The following CCNY variants were observed in gnomAD, a reference collection of about 807,000 sequenced individuals.
CCNY encodes cyclin-Y.
CCNY carries 19 observed loss-of-function variants against 42.8 expected under a neutral mutation model. The ratio of observed to expected loss-of-function variants is 0.44; its 90% CI spans 0.31 to 0.65. The LOEUF is 0.65. Ranked by LOEUF, CCNY falls within the 30% of genes least tolerant of loss-of-function variation. The pLI is 0.07. For missense variants in CCNY, 370 were observed against 437.3 expected (o/e 0.85, Z 1.37); for synonymous variants, 165 against 162.7 (o/e 1.01, Z -0.11).
At chr10:35,375,589 G>A (rs1285013627) in intron 1 of CCNY, among the ~76,000 whole-genome samples, 1 of 152,184 alleles carries the variant, frequency 6.6e-6, no homozygotes, top group African/African-American at 2.4e-5. Flanking sequence ...ATTTTGTGGG[G>A]TACTGAAGTT....
At chr10:35,259,808 A>C (rs2095718279) in intron 3 of CCNY, among the ~76,000 whole-genome samples, 1 of 149,674 alleles carries the variant, frequency 6.7e-6, no homozygotes, top group Admixed American at 6.7e-5. Context: ...CACTGGACCC[A>C]GCCCCAGTCC....
intron 1 of CCNY, among the ~76,000 whole-genome samples, chr10:35,432,621 C>T (rs887668158): frequency 6.6e-6 from 1 of 152,172 alleles, no homozygotes; most frequent in Non-Finnish European, 1.5e-5. Flanking sequence ...CACCAGCCAT[C>T]TTATTGAGAG....
chr10:35,370,309 G>A (rs767564211), intron 1 of CCNY, among the ~76,000 whole-genome samples: 4 of 151,968 alleles, frequency 2.6e-5, no homozygotes, highest in Non-Finnish European at 5.9e-5. Flanking sequence ...CTGCCACCAC[G>A]CCCGGCTAAT....
intron 1 of CCNY, among the ~76,000 whole-genome samples, chr10:35,339,560 G>A (rs1355720537): frequency 6.6e-6 from 1 of 152,142 alleles, no homozygotes; most frequent in Non-Finnish European, 1.5e-5. Flanking sequence ...ATTGACTCTA[G>A]TATATATCAA....
intron 1 of CCNY, among the ~76,000 whole-genome samples, chr10:35,433,227 T>G (rs1838452672): frequency 6.6e-6 from 1 of 152,172 alleles, no homozygotes; most frequent in Non-Finnish European, 1.5e-5. Context: ...AGGTGGGGTT[T>G]TTCATTGATT....
intron 5 of CCNY, among the ~76,000 whole-genome samples, chr10:35,527,396 G>A (rs1333454893): frequency 6.6e-6 from 1 of 152,164 alleles, no homozygotes; most frequent in Non-Finnish European, 1.5e-5. Flanking sequence ...TACTTACTTA[G>A]ACTATGATGG....
Position 35,357,452 on chromosome 10 carries a change from T to A in CCNY, c.154+20245T>A, listed in dbSNP as rs142468194. Reference sequence around the variant, plus strand: ...ATTCATTTAACACATAGCAAACATTTTTTTGTATGTGTGTTTCTAGACCTT... The same window carrying A: ...ATTCATTTAACACATAGCAAACATTATTTTGTATGTGTGTTTCTAGACCTT... On this transcript the variant is annotated intron_variant, in intron 1 of 9. Transcript: ENST00000374704. 3.9e-5 allele frequency among the ~76,000 whole-genome samples: 6 copies of A among 152,334 alleles called. No homozygotes were observed. In the East Asian group the frequency reaches 7.7e-4, roughly 20 times the overall value.
At chr10:35,477,316 C>T (rs905424842) in intron 1 of CCNY, among the ~76,000 whole-genome samples, 1 of 151,018 alleles carries the variant, frequency 6.6e-6, no homozygotes, top group Non-Finnish European at 1.5e-5. Context: ...ATACCAAAGC[C>T]GGGCAGAGAC....
chr10:35,334,946 T>G (rs998058870), upstream of CCNY, among the ~76,000 whole-genome samples: 1 of 152,208 alleles, frequency 6.6e-6, no homozygotes, highest in Non-Finnish European at 1.5e-5. Context: ...TCTGCATAAA[T>G]CAAGGCATGA....
chr10:35,422,885 A>G (rs902741026), intron 1 of CCNY, among the ~76,000 whole-genome samples: 4 of 152,204 alleles, frequency 2.6e-5, no homozygotes, highest in African/African-American at 9.7e-5. Context: ...GGCCTTTATA[A>G]AATTTTTCTC....
intron 7 of CCNY, among the ~76,000 whole-genome samples, chr10:35,545,605 C>T (rs1367039988): frequency 6.6e-6 from 1 of 152,126 alleles, no homozygotes; most frequent in Non-Finnish European, 1.5e-5. Context: ...GGCCTTGTCT[C>T]CAAATAAGGC....
intron 3 of CCNY, among the ~76,000 whole-genome samples, chr10:35,320,159 T>C (rs974537597): frequency 6.6e-6 from 1 of 152,008 alleles, no homozygotes; most frequent in African/African-American, 2.4e-5. Flanking sequence ...GACAATGACA[T>C]TGAAAGGAAT....
intron 1 of CCNY, among the ~76,000 whole-genome samples, chr10:35,357,829 G>A (rs1410637196): frequency 1.3e-5 from 2 of 152,024 alleles, no homozygotes; most frequent in Non-Finnish European, 2.9e-5. Flanking sequence ...CTATTAGCAG[G>A]CATTCTCTTG....
intron 3 of CCNY, among the ~76,000 whole-genome samples, chr10:35,257,409 C>T (rs947391696): frequency 4.0e-5 from 6 of 151,604 alleles, no homozygotes; most frequent in Non-Finnish European, 8.8e-5. Context: ...TCCTGAGCAA[C>T]CAGGATTGCA....
intron 1 of CCNY, among the ~76,000 whole-genome samples, chr10:35,411,106 T>G (rs1837894311): frequency 6.6e-6 from 1 of 152,202 alleles, no homozygotes; most frequent in Non-Finnish European, 1.5e-5. Context: ...GTTAAGTAAT[T>G]TCATCAGGGA....
chr10:35,281,915 T>C (rs192429410), intron 3 of CCNY, among the ~76,000 whole-genome samples: 30 of 152,320 alleles, frequency 2.0e-4, no homozygotes, highest in Non-Finnish European at 4.3e-4. Context: ...GCTGGTAGAA[T>C]AAACAAGATC....
intron 3 of CCNY, among the ~76,000 whole-genome samples, chr10:35,266,412 T>G (rs541884511): frequency 6.6e-6 from 1 of 152,032 alleles, no homozygotes; most frequent in Non-Finnish European, 1.5e-5. Flanking sequence ...AGATAACTTC[T>G]GAAGTGAGAA....
At chr10:35,265,842 C>T (rs1383709731) in intron 3 of CCNY, among the ~76,000 whole-genome samples, 1 of 152,128 alleles carries the variant, frequency 6.6e-6, no homozygotes, top group African/African-American at 2.4e-5. Flanking sequence ...TGAAGCCCAC[C>T]AGCGTGTCAC....
intron 7 of CCNY, among the ~76,000 whole-genome samples, chr10:35,548,368 G>C (rs1456688398): frequency 2.0e-5 from 3 of 150,122 alleles, no homozygotes; most frequent in Non-Finnish European, 4.4e-5. Flanking sequence ...TCACGATCTT[G>C]GCTCACTGCA....
Sources: allele counts gnomAD v4.1 joint callset (sites outside exome capture counted in the v4.1 genomes callset), GRCh38; gene constraint gnomAD v4.1.1; transcripts MANE v1.5; gene names NCBI Gene and HGNC (gene_info 2026-07-23, HGNC 2026-07-21).